The following RIMS1 variants were observed in gnomAD, a reference collection of about 807,000 sequenced individuals.
RIMS1 encodes regulating synaptic membrane exocytosis 1, also known as regulating synaptic membrane exocytosis protein 1.
In RIMS1, 83 loss-of-function variants were observed where a neutral mutation model predicts 214.1. That is an observed-to-expected ratio of 0.39 (90% CI 0.32 to 0.47). The LOEUF is 0.47. Among genes scored for constraint, RIMS1 ranks in the 20% least tolerant of loss-of-function variants. The pLI, the probability that RIMS1 is intolerant of heterozygous loss-of-function variation, is 0.99. For synonymous variants in RIMS1, 793 were observed against 786.8 expected (o/e 1.01, Z -0.13); for missense variants, 2,050 against 2,161.8 (o/e 0.95, Z 1.03).
At chr6:72,245,553 G>T (rs573703308) in intron 10 of RIMS1, among the ~76,000 whole-genome samples, 1 of 152,060 alleles carries the variant, frequency 6.6e-6, no homozygotes, top group African/African-American at 2.4e-5. Context: ...AAAATATTGT[G>T]GTGATTTTAA....
At chr6:72,400,036 C>T (rs1286203899) in intron 33 of RIMS1, among the ~76,000 whole-genome samples, 2 of 152,140 alleles carry the variant, frequency 1.3e-5, no homozygotes, top group African/African-American at 4.8e-5. Context: ...CAAATGAATA[C>T]TCTCATTCTT....
intron 2 of RIMS1, among the ~76,000 whole-genome samples, chr6:72,078,976 G>A (rs928095971): frequency 6.6e-6 from 1 of 152,010 alleles, no homozygotes; most frequent in Non-Finnish European, 1.5e-5. Flanking sequence ...CACAGTTCAC[G>A]TTTGTATAAC....
chr6:72,331,852 G>T (rs922423963), intron 28 of RIMS1, among the ~76,000 whole-genome samples: 3 of 151,774 alleles, frequency 2.0e-5, no homozygotes, highest in African/African-American at 7.3e-5. Flanking sequence ...ATTATTATCA[G>T]AATTTTGATG....
intron 1 of RIMS1, among the ~76,000 whole-genome samples, chr6:71,912,254 G>A (rs1428491011): frequency 6.6e-6 from 1 of 152,104 alleles, no homozygotes; most frequent in Non-Finnish European, 1.5e-5. Flanking sequence ...TCTTGTTTAA[G>A]ATAACACATT....
chr6:72,042,894 G>A (rs74466894), intron 2 of RIMS1, among the ~76,000 whole-genome samples: 2,041 of 151,840 alleles, frequency 0.013, 9 homozygotes, highest in Non-Finnish European at 0.017. Flanking sequence ...GGCCAAATAA[G>A]TATTCCGTGA....
chr6:72,037,141 T>TG (rs996093663), intron 2 of RIMS1, among the ~76,000 whole-genome samples: 2 of 145,936 alleles, frequency 1.4e-5, no homozygotes, highest in African/African-American at 5.1e-5. Context: ...GTTTGGAGGT[T>TG]GGGGGTGGGG....
chr6:72,267,019 A>G lies in RIMS1; in HGVS notation c.3398+970A>G, dbSNP rs531223232. On this transcript the variant is annotated intron_variant, in intron 22 of 33. Transcript: ENST00000521978. ...AGATATTTATTTCTGGAATTGAACA[A>G]TAGGTACACGTGTGTATATACCTTG... 1.4e-3 allele frequency among the ~76,000 whole-genome samples: 212 copies of G among 152,224 alleles called. 2 individuals carry two copies. The highest frequency in any genetic ancestry group is 4.6e-3 in the African/African-American group (192 of 41,574).
At chr6:72,201,014 CA>C (rs1413735794) in intron 6 of RIMS1, among the ~76,000 whole-genome samples, 2 of 151,294 alleles carry the variant, frequency 1.3e-5, no homozygotes, top group South Asian at 2.1e-4. Flanking sequence ...TATAAACGAC[CA>C]AAAAAAGTCT....
At chr6:72,057,423 T>C (rs1267342863) in intron 2 of RIMS1, among the ~76,000 whole-genome samples, 2 of 151,992 alleles carry the variant, frequency 1.3e-5, no homozygotes, top group African/African-American at 4.8e-5. Context: ...CATGACTGTA[T>C]GGGGATAACC....
At chr6:72,334,375 A>G (rs1160637143) in intron 29 of RIMS1, among the ~76,000 whole-genome samples, 1 of 151,890 alleles carries the variant, frequency 6.6e-6, no homozygotes, top group Non-Finnish European at 1.5e-5. Flanking sequence ...TGCAAGGAGT[A>G]ATGTTTTAAT....
chr6:72,126,481 G>A (rs1333359624), intron 4 of RIMS1, among the ~76,000 whole-genome samples: 5 of 151,754 alleles, frequency 3.3e-5, no homozygotes, highest in South Asian at 4.1e-4. Flanking sequence ...AGAGTAAGCC[G>A]ACAACCCACA....
intron 27 of RIMS1, among the ~76,000 whole-genome samples, chr6:72,308,488 A>T (rs566699230): frequency 6.6e-6 from 1 of 152,170 alleles, no homozygotes; most frequent in Non-Finnish European, 1.5e-5. Context: ...AATTAATATT[A>T]TTAGCTTGAA....
intron 2 of RIMS1, among the ~76,000 whole-genome samples, chr6:72,061,141 C>T (rs1471867435): frequency 6.6e-6 from 1 of 151,534 alleles, no homozygotes; most frequent in South Asian, 2.1e-4. Context: ...CTTTTTTTTC[C>T]ATAATTACCA....
intron 31 of RIMS1, among the ~76,000 whole-genome samples, chr6:72,397,641 C>T (rs1385862676): frequency 6.6e-6 from 1 of 152,136 alleles, no homozygotes; most frequent in Non-Finnish European, 1.5e-5. Flanking sequence ...TAAAACTGTT[C>T]ATTATAACCC....
intron 4 of RIMS1, among the ~76,000 whole-genome samples, chr6:72,166,139 C>T (rs2046223677): frequency 6.6e-6 from 1 of 152,114 alleles, no homozygotes; most frequent in South Asian, 2.1e-4. Context: ...TGGCTACCTT[C>T]TCACCCTGTC....
At chr6:72,101,543 CTT>C (rs2033587734) in intron 4 of RIMS1, among the ~76,000 whole-genome samples, 1 of 151,820 alleles carries the variant, frequency 6.6e-6, no homozygotes, top group South Asian at 2.1e-4. Context: ...CCTCTAATCT[CTT>C]TTATTTTTAG....
At chr6:72,138,290 T>C (rs2041630363) in intron 4 of RIMS1, among the ~76,000 whole-genome samples, 1 of 152,200 alleles carries the variant, frequency 6.6e-6, no homozygotes, top group South Asian at 2.1e-4. Flanking sequence ...TCTTAGTAAC[T>C]TTCAGTGTTT....
Position 72,353,665 on chromosome 6 carries a change from A to T in RIMS1, c.4366+19830A>T, listed in dbSNP as rs114456731. 4.9e-3 allele frequency among the ~76,000 whole-genome samples: 750 copies of T among 152,344 alleles called. 5 individuals are homozygous for T. Among genetic ancestry groups the T allele is most frequent in the African/African-American group, 0.017 (724 of 41,588 alleles). ...AAGGTGATTGGGAAGTGGTCACGTC[A>T]CAAAGCACACATTATTTTGCTCTTT... On this transcript the variant is annotated intron_variant, in intron 29 of 33. Transcript: ENST00000521978.
chr6:72,338,879 GA>G (rs2096942592), intron 29 of RIMS1, among the ~76,000 whole-genome samples: 1 of 150,456 alleles, frequency 6.6e-6, no homozygotes, highest in African/African-American at 2.5e-5. Flanking sequence ...GAGAGAGAGA[GA>G]GAGAGAGAAA....
Sources: allele counts gnomAD v4.1 joint callset (sites outside exome capture counted in the v4.1 genomes callset), GRCh38; gene constraint gnomAD v4.1.1; transcripts MANE v1.5; gene names NCBI Gene and HGNC (gene_info 2026-07-23, HGNC 2026-07-21).